Variants in PCSK6 observed in about 807,000 individuals in gnomAD.
PCSK6 encodes proprotein convertase subtilisin/kexin type 6.
In PCSK6, 85 loss-of-function variants were observed where a neutral mutation model predicts 123.3. The ratio of observed to expected loss-of-function variants is 0.69; its 90% CI spans 0.58 to 0.83. The LOEUF (loss-of-function observed/expected upper bound fraction) is 0.83, where lower values mean the gene tolerates loss of function less well. PCSK6 is among the 40% of genes least tolerant of loss of function. The probability of loss-of-function intolerance (pLI) is 0.00; values close to 1 mark genes in which losing one functional copy is unlikely to be tolerated. For synonymous variants in PCSK6, 508 were observed against 516.0 expected (o/e 0.98, Z 0.21); for missense variants, 1,191 against 1,282.3 (o/e 0.93, Z 1.09).
intron 11 of PCSK6, among the ~76,000 whole-genome samples, chr15:101,374,612 G>C (rs1020016808): frequency 4.6e-5 from 7 of 152,208 alleles, no homozygotes; most frequent in Non-Finnish European, 1.0e-4. Context: ...CAGCTGCTGT[G>C]CTGGCACCTG....
At chr15:101,434,325 T>C (rs975212033) in intron 2 of PCSK6, among the ~76,000 whole-genome samples, 4 of 152,156 alleles carry the variant, frequency 2.6e-5, no homozygotes, top group African/African-American at 9.7e-5. Context: ...TCTAACAACA[T>C]CCAGCCCCTT....
intron 18 of PCSK6, among the ~76,000 whole-genome samples, chr15:101,322,302 A>G (rs1005152387): frequency 7.2e-5 from 11 of 152,190 alleles, no homozygotes; most frequent in Non-Finnish European, 1.3e-4. Context: ...GCTTTGCCCA[A>G]TTCGCCCATG....
intron 20 of PCSK6, 126 bp from the exon 21 acceptor site, chr15:101,307,451 G>C: frequency 1.5e-6 from 1 of 659,844 alleles, no homozygotes; most frequent in South Asian, 1.8e-5. Flanking sequence ...TCTGTGGAGA[G>C]GCTGTGTCGC....
intron 1 of PCSK6, among the ~76,000 whole-genome samples, chr15:101,445,073 C>T (rs898654087): frequency 1.3e-5 from 2 of 152,174 alleles, no homozygotes; most frequent in Admixed American, 6.5e-5. Context: ...GTTTCTGTTG[C>T]TTACAACCAC....
intron 1 of PCSK6, among the ~76,000 whole-genome samples, chr15:101,444,038 A>G (rs6598474): frequency 0.34 from 51,336 of 152,090 alleles, 10,694 homozygotes; most frequent in African/African-American, 0.6. Flanking sequence ...GGTCTACACC[A>G]AAACATTCAT....
At chr15:101,310,047 C>T (rs180990415) in intron 20 of PCSK6, among the ~76,000 whole-genome samples, 11 of 152,228 alleles carry the variant, frequency 7.2e-5, no homozygotes, top group South Asian at 2.1e-4. Flanking sequence ...CAGCAGCGGA[C>T]GGCCACGGCG....
intron 1 of PCSK6, among the ~76,000 whole-genome samples, chr15:101,487,075 G>A (rs765959515): frequency 3.4e-4 from 51 of 152,196 alleles, no homozygotes; most frequent in Admixed American, 8.5e-4. Context: ...GGCAAATAAG[G>A]TTTTCAAAGA....
chr15:101,431,244 T>C (rs1360890693), intron 4 of PCSK6, 76 bp downstream of exon 4: 12 of 1,502,118 alleles, frequency 8.0e-6, no homozygotes, highest in Admixed American at 1.7e-5. Context: ...GGGACCTTAC[T>C]GTTTTTAAAC....
At chr15:101,346,864 A>G in intron 13 of PCSK6, 1 of 1,231,762 alleles carries the variant, frequency 8.1e-7, no homozygotes. Context: ...AAATGTGCAC[A>G]GCAGCAGTTG....
At chr15:101,333,584 C>A (rs1596194117) in intron 13 of PCSK6, among the ~76,000 whole-genome samples, 1 of 152,354 alleles carries the variant, frequency 6.6e-6, no homozygotes, top group South Asian at 2.1e-4. Context: ...TGCCCATGCT[C>A]GCTACTCCAC....
chr15:101,379,893 C>T (rs1164231458), intron 11 of PCSK6, among the ~76,000 whole-genome samples: 6 of 152,276 alleles, frequency 3.9e-5, no homozygotes, highest in East Asian at 1.9e-4. Context: ...AGGGGAGACC[C>T]ACAGGTGGAC....
At chr15:101,319,584 T>C (rs2040069673) in intron 18 of PCSK6, among the ~76,000 whole-genome samples, 1 of 152,210 alleles carries the variant, frequency 6.6e-6, no homozygotes, top group Non-Finnish European at 1.5e-5. Context: ...TTTTTAGCCC[T>C]ACTACTCTGA....
chr15:101,348,955 G>A lies in PCSK6; in HGVS notation c.1859-16924C>T, dbSNP rs144323804. ...GTCGCCTGGATAACGGGTCAGATTT[G>A]GTTTTCGTAACTGATCTGTGCCCCG... On this transcript the variant is annotated intron_variant, in intron 13 of 21. Coordinates refer to ENST00000611716, the MANE Select transcript of PCSK6 (RefSeq NM_002570.5). 5.5e-3 allele frequency among the ~76,000 whole-genome samples: 833 copies of A among 152,324 alleles called. 10 individuals are homozygous for A. The highest frequency in any genetic ancestry group is 0.019 in the African/African-American group (802 of 41,570).
intron 1 of PCSK6, among the ~76,000 whole-genome samples, chr15:101,487,577 G>C (rs1012378301): frequency 2.0e-5 from 3 of 152,198 alleles, no homozygotes; most frequent in African/African-American, 7.2e-5. Flanking sequence ...TGCAGTGTGA[G>C]CTCACAGCTC....
chr15:101,399,968 C>T (rs1348385857), intron 6 of PCSK6, among the ~76,000 whole-genome samples: 1 of 152,158 alleles, frequency 6.6e-6, no homozygotes, highest in Non-Finnish European at 1.5e-5. Flanking sequence ...ATAGTATATG[C>T]TCTTGCCCAA....
At chr15:101,363,024 T>C (rs543313345) in intron 13 of PCSK6, among the ~76,000 whole-genome samples, 16 of 152,262 alleles carry the variant, frequency 1.1e-4, no homozygotes, top group African/African-American at 3.9e-4. Flanking sequence ...AGTGAGCCAG[T>C]GATGGCCATG....
intron 18 of PCSK6, among the ~76,000 whole-genome samples, 158 bp from the exon 19 acceptor site, chr15:101,318,580 G>A (rs753019384): frequency 2.0e-5 from 3 of 152,282 alleles, no homozygotes; most frequent in Non-Finnish European, 2.9e-5. Context: ...AAGCCATCCC[G>A]CAGTCCGCTG....
At chr15:101,368,361 C>A (rs1208851898) in intron 12 of PCSK6, among the ~76,000 whole-genome samples, 1 of 152,206 alleles carries the variant, frequency 6.6e-6, no homozygotes. Flanking sequence ...GTAGGGCAAC[C>A]AGGCCCCTGT....
intron 1 of PCSK6, among the ~76,000 whole-genome samples, chr15:101,456,369 C>T (rs1407594877): frequency 2.0e-5 from 3 of 152,216 alleles, no homozygotes; most frequent in Non-Finnish European, 4.4e-5. Context: ...TGGGCTGCTC[C>T]AACCGTTCCT....
Sources: allele counts gnomAD v4.1 joint callset (sites outside exome capture counted in the v4.1 genomes callset), GRCh38; gene constraint gnomAD v4.1.1; transcripts MANE v1.5; gene names NCBI Gene and HGNC (gene_info 2026-07-23, HGNC 2026-07-21).